The following CXXC4 variants were observed in gnomAD, a reference collection of about 807,000 sequenced individuals.
CXXC4 encodes CXXC-type zinc finger protein 4.
Under a neutral mutation model 20.5 loss-of-function variants are expected in CXXC4, and 5 were observed. That is an observed-to-expected ratio of 0.24 (90% CI 0.13 to 0.51). CXXC4 has a LOEUF of 0.51. CXXC4 is among the 20% of genes least tolerant of loss of function. The probability of loss-of-function intolerance (pLI) is 0.97; values close to 1 mark genes in which losing one functional copy is unlikely to be tolerated. For synonymous variants in CXXC4, 250 were observed against 216.4 expected, an observed-to-expected ratio of 1.16 and a Z score of -1.36; for missense variants, 419 against 496.4, an observed-to-expected ratio of 0.84 and a Z score of 1.48.
chr4:104,473,160 T>C (rs1362133586), intron 2 of CXXC4, among the ~76,000 whole-genome samples: 1 of 151,862 alleles, frequency 6.6e-6, no homozygotes, highest in Non-Finnish European at 1.5e-5. Context: ...CAAATATCAA[T>C]ATTACCTGCA....
In CXXC4 at chr4:104,481,802, T is replaced by C. The variant is rs1736565124; in HGVS notation, c.1059+8942A>G. 2.0e-5 allele frequency among the ~76,000 whole-genome samples: 3 copies of C among 152,296 alleles called. No individual in the cohort carries two copies. In the South Asian group the frequency reaches 6.2e-4, roughly 32 times the overall value. ...AATTGAATTTATCAAGGGTTTACTA[T>C]GTGCTAATTAATACCATATATTCAT... On this transcript the variant is annotated intron_variant, in intron 2 of 2. Coordinates refer to ENST00000394767, the MANE Select transcript of CXXC4 (RefSeq NM_025212.4).
intron 2 of CXXC4, among the ~76,000 whole-genome samples, chr4:104,484,955 G>GA (rs1736645977): frequency 6.6e-6 from 1 of 151,864 alleles, no homozygotes; most frequent in South Asian, 2.1e-4. Flanking sequence ...CCAATATTTT[G>GA]AAAATCCTAA....
At chr4:104,472,782 G>A (rs1480302552) in intron 2 of CXXC4, among the ~76,000 whole-genome samples, 1 of 151,900 alleles carries the variant, frequency 6.6e-6, no homozygotes, top group East Asian at 1.9e-4. Flanking sequence ...CACACAGAAG[G>A]CACAATCACA....
At chr4:104,474,640 T>A (rs1419744698) in intron 2 of CXXC4, among the ~76,000 whole-genome samples, 1 of 151,998 alleles carries the variant, frequency 6.6e-6, no homozygotes. Context: ...CAGATTCACA[T>A]ACGAAAAATA....
In CXXC4 at chr4:104,472,086, G is replaced by T; in HGVS notation, c.*236C>A. On this transcript the variant is annotated 3_prime_UTR_variant, in exon 3 of 3. Coordinates refer to ENST00000394767, the MANE Select transcript of CXXC4 (RefSeq NM_025212.4). ...ACTACTATAGCTAAATTACATCAAA[G>T]AAAGAATCAGCGTATTGAAAGTAAA... is the stretch of plus-strand genomic sequence containing the variant. 1 of 351,440 alleles carries T rather than the reference G, an allele frequency of 2.8e-6. No homozygotes were observed. Among genetic ancestry groups the T allele is most frequent in the Non-Finnish European group, 5.1e-6 (1 of 194,962 alleles). 21.8% of individuals were successfully genotyped at this position (351,440 alleles called of 1,614,324 possible).
At chr4:104,493,879 A>G (rs1159260176) in intron 1 of CXXC4, among the ~76,000 whole-genome samples, 1 of 152,254 alleles carries the variant, frequency 6.6e-6, no homozygotes, top group Admixed American at 6.5e-5. Flanking sequence ...TATGTCAACC[A>G]TGCATTAGAT....
At chr4:104,482,032 C>T (rs893661844) in intron 2 of CXXC4, among the ~76,000 whole-genome samples, 13 of 152,264 alleles carry the variant, frequency 8.5e-5, no homozygotes, top group Admixed American at 4.6e-4. Context: ...ATACATTTTA[C>T]ACAGCAACTC....
chr4:104,486,912 T>C (rs751274550), intron 2 of CXXC4, among the ~76,000 whole-genome samples: 3 of 152,146 alleles, frequency 2.0e-5, no homozygotes, highest in Non-Finnish European at 2.9e-5. Flanking sequence ...CCATTTATGG[T>C]TGGGGCTCTT....
At chr4:104,483,600 A>T (rs1180364677) in intron 2 of CXXC4, among the ~76,000 whole-genome samples, 1 of 151,900 alleles carries the variant, frequency 6.6e-6, no homozygotes, top group African/African-American at 2.4e-5. Context: ...ATATATATAT[A>T]TTCTCGAATT....
rs1336088043 is a variant in CXXC4, at chr4:104,492,000, T to TC, written c.-199dup. 2.5e-6 allele frequency: 1 copy of TC among 400,190 alleles called. No individual in the cohort carries two copies. Among genetic ancestry groups the TC allele is most frequent in the African/African-American group, 2.1e-5 (1 of 48,566 alleles). The allele number at this position is 400,190 out of a possible 1,614,324, so 24.8% of individuals were successfully genotyped here. A position where few individuals can be genotyped will look rare whatever the true frequency, so the allele number is the denominator to read the frequency against. On this transcript the variant is annotated 5_prime_UTR_variant, in exon 2 of 3. It removes the in-frame stop codon of an upstream open reading frame in the 5' UTR. Coordinates refer to ENST00000394767, the MANE Select transcript of CXXC4 (RefSeq NM_025212.4). Reference sequence around the variant, plus strand: ...GCTTTATTCCTCTCTGGGGCTCATTTCCACAGACGGTGAATTCCCAGGCAG... The same window carrying TC: ...GCTTTATTCCTCTCTGGGGCTCATTTCCCACAGACGGTGAATTCCCAGGCAG...
chr4:104,477,236 T>C (rs1323017654), intron 2 of CXXC4, among the ~76,000 whole-genome samples: 1 of 152,184 alleles, frequency 6.6e-6, no homozygotes, highest in African/African-American at 2.4e-5. Context: ...ACTTTCAAAC[T>C]TTAGAAATTT....
intron 2 of CXXC4, among the ~76,000 whole-genome samples, chr4:104,484,083 A>G (rs9307295): frequency 0.64 from 97,333 of 151,788 alleles, 32,122 homozygotes; most frequent in African/African-American, 0.78. Context: ...TAATGTCTGA[A>G]AACTATAAGT....
intron 2 of CXXC4, among the ~76,000 whole-genome samples, chr4:104,490,102 A>G (rs1484104170): frequency 6.6e-6 from 1 of 152,236 alleles, no homozygotes; most frequent in East Asian, 1.9e-4. Context: ...CAAAATTTGC[A>G]GGTAGAAATC....
intron 2 of CXXC4, among the ~76,000 whole-genome samples, chr4:104,481,152 T>A (rs1408771583): frequency 6.6e-6 from 1 of 152,072 alleles, no homozygotes; most frequent in Admixed American, 6.6e-5. Context: ...TAAATAGGTG[T>A]GAGATTGATT....
chr4:104,481,312 A>T (rs2110274132), intron 2 of CXXC4, among the ~76,000 whole-genome samples: 1 of 152,214 alleles, frequency 6.6e-6, no homozygotes, highest in South Asian at 2.1e-4. Flanking sequence ...GGCGGATTAC[A>T]TGAGGTCAGG....
chr4:104,484,541 A>G (rs4353906), intron 2 of CXXC4, among the ~76,000 whole-genome samples: 103,897 of 151,562 alleles, frequency 0.69, 37,448 homozygotes, highest in African/African-American at 0.91. Flanking sequence ...AGTAAAAAAC[A>G]TAGTGGGAAA....
At chr4:104,474,590 T>C (rs929630793) in intron 2 of CXXC4, among the ~76,000 whole-genome samples, 1 of 152,040 alleles carries the variant, frequency 6.6e-6, no homozygotes, top group African/African-American at 2.4e-5. Context: ...CGAGATAAGT[T>C]AGATCCAAGC....
intron 1 of CXXC4, among the ~76,000 whole-genome samples, chr4:104,492,375 T>C (rs181801134): frequency 1.3e-4 from 19 of 151,736 alleles, no homozygotes; most frequent in African/African-American, 1.7e-4. Context: ...AAAAGGGCAA[T>C]TGGAGTGCTA....
At chr4:104,476,318 T>C (rs565630982) in intron 2 of CXXC4, among the ~76,000 whole-genome samples, 3 of 152,168 alleles carry the variant, frequency 2.0e-5, no homozygotes, top group African/African-American at 7.2e-5. Flanking sequence ...TCTCTTCTCA[T>C]ACCTGCGAAG....
Sources: allele counts gnomAD v4.1 joint callset (sites outside exome capture counted in the v4.1 genomes callset), GRCh38; gene constraint gnomAD v4.1.1; transcripts MANE v1.5; gene names NCBI Gene and HGNC (gene_info 2026-07-23, HGNC 2026-07-21).